The following LMNTD1 variants were observed in gnomAD, a reference collection of about 807,000 sequenced individuals.
LMNTD1 encodes the protein lamin tail domain-containing protein 1.
A neutral mutation model predicts 50.9 loss-of-function variants in LMNTD1; 35 were observed. The ratio of observed to expected loss-of-function variants is 0.69; its 90% CI spans 0.53 to 0.91. The LOEUF is 0.91. Ranked by LOEUF, LMNTD1 falls within the 40% of genes least tolerant of loss-of-function variation. The probability of loss-of-function intolerance (pLI) is 0.00; values close to 1 mark genes in which losing one functional copy is unlikely to be tolerated. For missense variants in LMNTD1, 470 were observed against 475.5 expected (o/e 0.99, Z 0.11); for synonymous variants, 153 against 161.9 (o/e 0.94, Z 0.42).
upstream of LMNTD1, among the ~76,000 whole-genome samples, chr12:25,557,564 C>T (rs59371695): frequency 6.6e-6 from 1 of 152,162 alleles, no homozygotes; most frequent in Non-Finnish European, 1.5e-5. Flanking sequence ...GAATATAGCA[C>T]TTATTTTTCC....
At chr12:25,590,647 C>T (rs1945669453) in intron 1 of LMNTD1, among the ~76,000 whole-genome samples, 1 of 152,300 alleles carries the variant, frequency 6.6e-6, no homozygotes, top group South Asian at 2.1e-4. Flanking sequence ...GACCCCTTGC[C>T]TCAGCTTGAG....
intron 1 of LMNTD1, among the ~76,000 whole-genome samples, chr12:25,572,059 T>C (rs1406538451): frequency 6.6e-6 from 1 of 152,180 alleles, no homozygotes; most frequent in Admixed American, 6.5e-5. Flanking sequence ...TGGAGCCAGA[T>C]ACGTTTCAGT....
chr12:25,617,711 T>C (rs1946378305), intron 1 of LMNTD1, among the ~76,000 whole-genome samples: 1 of 152,110 alleles, frequency 6.6e-6, no homozygotes, highest in Non-Finnish European at 1.5e-5. Context: ...TAACAGAAAA[T>C]GATCATGATG....
intron 1 of LMNTD1, among the ~76,000 whole-genome samples, chr12:25,569,555 T>TGATA (rs1944700199): frequency 6.6e-6 from 1 of 152,102 alleles, no homozygotes; most frequent in Admixed American, 6.5e-5. Context: ...AGGGGCAGAA[T>TGATA]GATATGGTTT....
At chr12:25,551,981 A>G (rs552519008) in intron 2 of LMNTD1, among the ~76,000 whole-genome samples, 1 of 152,318 alleles carries the variant, frequency 6.6e-6, no homozygotes, top group African/African-American at 2.4e-5. Context: ...GAGACGCTGC[A>G]TTGATAATAT....
chr12:25,513,171 T>C (rs1337237855), intron 8 of LMNTD1, among the ~76,000 whole-genome samples: 1 of 152,220 alleles, frequency 6.6e-6, no homozygotes, highest in Admixed American at 6.5e-5. Context: ...GTGGTGACTT[T>C]CAGCACATCT....
chr12:25,559,703 A>G (rs1226015485), intron 1 of LMNTD1, among the ~76,000 whole-genome samples: 4 of 152,172 alleles, frequency 2.6e-5, no homozygotes, highest in African/African-American at 9.7e-5. Context: ...CCTCTCCAGA[A>G]CCTGTTGTTT....
Position 25,621,756 on chromosome 12 carries a change from T to C in LMNTD1, c.58+26738A>G, listed in dbSNP as rs199838817. 3.8e-3 allele frequency among the ~76,000 whole-genome samples: 574 copies of C among 152,308 alleles called. 1 individual carries two copies. Among genetic ancestry groups the C allele is most frequent in the African/African-American group, 0.013 (533 of 41,570 alleles). The stretch of plus-strand genomic sequence containing the variant: ...ATAAAAATGAATAATCAAAGTCTCT[T>C]CTGTCAAGAAGATTACACTCTTGAG... On this transcript the variant is annotated intron_variant, in intron 1 of 7. Coordinates refer to the LMNTD1 transcript ENST00000445693.
chr12:25,536,530 G>A (rs954045879), intron 4 of LMNTD1, among the ~76,000 whole-genome samples: 1 of 152,114 alleles, frequency 6.6e-6, no homozygotes. Context: ...AAAGTATTTT[G>A]AACTGAATGA....
At chr12:25,607,193 T>C (rs1408661204) in intron 1 of LMNTD1, among the ~76,000 whole-genome samples, 2 of 152,232 alleles carry the variant, frequency 1.3e-5, no homozygotes, top group African/African-American at 4.8e-5. Context: ...CTTTATCGTT[T>C]TTTATTGCAT....
At chr12:25,483,777 A>G (rs1381460951) in intron 9 of LMNTD1, among the ~76,000 whole-genome samples, 5 of 151,830 alleles carry the variant, frequency 3.3e-5, no homozygotes, top group Non-Finnish European at 7.4e-5. Context: ...CATCTCAAAA[A>G]AAAAAAAAAA....
At chr12:25,506,878 AT>A (rs1939827791) in intron 8 of LMNTD1, among the ~76,000 whole-genome samples, 1 of 151,532 alleles carries the variant, frequency 6.6e-6, no homozygotes, top group Non-Finnish European at 1.5e-5. Context: ...GCATTATCTT[AT>A]TTATTTATTT....
At chr12:25,618,379 C>T (rs1592109674) in intron 1 of LMNTD1, among the ~76,000 whole-genome samples, 1 of 152,144 alleles carries the variant, frequency 6.6e-6, no homozygotes, top group East Asian at 1.9e-4. Flanking sequence ...GTGAGGACCA[C>T]TCACTCAGGT....
chr12:25,591,554 C>T (rs1387801439), intron 1 of LMNTD1, among the ~76,000 whole-genome samples: 2 of 152,288 alleles, frequency 1.3e-5, no homozygotes, highest in Non-Finnish European at 2.9e-5. Flanking sequence ...TCCTGGACGG[C>T]ACCCCTGGAC....
intron 3 of LMNTD1, among the ~76,000 whole-genome samples, 169 bp downstream of exon 3, chr12:25,549,157 C>G (rs1251461058): frequency 1.3e-5 from 2 of 151,906 alleles, no homozygotes; most frequent in African/African-American, 4.8e-5. Context: ...TACCCCAGTT[C>G]TAGGATCAGT....
chr12:25,598,554 A>G (rs934686053), intron 1 of LMNTD1, among the ~76,000 whole-genome samples: 2 of 152,044 alleles, frequency 1.3e-5, no homozygotes, highest in Non-Finnish European at 2.9e-5. Context: ...CAGAAGATCA[A>G]TAAAACAAAA....
At chr12:25,482,103 C>CA (rs1166651155) in intron 9 of LMNTD1, among the ~76,000 whole-genome samples, 1 of 151,612 alleles carries the variant, frequency 6.6e-6, no homozygotes. Flanking sequence ...AAAATGGATG[C>CA]AAAAAATGAA....
At chr12:25,603,885 G>T (rs1441352829) in intron 1 of LMNTD1, among the ~76,000 whole-genome samples, 1 of 151,970 alleles carries the variant, frequency 6.6e-6, no homozygotes, top group Non-Finnish European at 1.5e-5. Context: ...CATTTTAAAA[G>T]GGGAAACTGC....
At chr12:25,637,335 A>G (rs11048139) in intron 1 of LMNTD1, among the ~76,000 whole-genome samples, 1 of 152,180 alleles carries the variant, frequency 6.6e-6, no homozygotes, top group East Asian at 1.9e-4. Context: ...GTTCAAAGAA[A>G]TAAAGTAAAC....
Sources: gnomAD v4.1 joint callset for allele counts (sites outside exome capture counted in the v4.1 genomes callset) on GRCh38, gnomAD v4.1.1 for gene constraint, MANE v1.5 for transcripts, NCBI Gene and HGNC (gene_info 2026-07-23, HGNC 2026-07-21) for gene names.